Variants in TRPC4 observed in about 807,000 individuals in gnomAD.
The protein encoded by TRPC4 is short transient receptor potential channel 4.
In TRPC4, 49 loss-of-function variants were observed where a neutral mutation model predicts 99.4. That is an observed-to-expected ratio of 0.49 (90% CI 0.39 to 0.63). The LOEUF is 0.63. Ranked by LOEUF, TRPC4 falls within the 20% of genes least tolerant of loss-of-function variation. TRPC4 has a pLI of 0.00. For synonymous variants in TRPC4, 454 were observed against 425.9 expected (o/e 1.07, Z -0.81); for missense variants, 898 against 1,152.9 (o/e 0.78, Z 3.20).
chr13:37,643,311 A>C (rs1951780722), intron 8 of TRPC4, among the ~76,000 whole-genome samples: 1 of 152,214 alleles, frequency 6.6e-6, no homozygotes, highest in Non-Finnish European at 1.5e-5. Flanking sequence ...AATAAAGCAC[A>C]CTTTTGCCCT....
In TRPC4 at chr13:37,632,484, G is replaced by A. The variant is rs148464021; in HGVS notation, c.*4419C>T. On this transcript the variant is annotated 3_prime_UTR_variant, in exon 11 of 11. Coordinates refer to ENST00000379705, the MANE Select transcript of TRPC4 (RefSeq NM_016179.4). ...TCACACTTACAAGTGATTAATAGCCGTATGAGTATAGGAGCTACGTTACTG... is the reference window on the plus strand; with the variant it reads ...TCACACTTACAAGTGATTAATAGCCATATGAGTATAGGAGCTACGTTACTG... Among the ~76,000 whole-genome samples, 9 of 152,254 alleles carry A rather than the reference G, an allele frequency of 5.9e-5. No homozygotes were observed. Among genetic ancestry groups the A allele is most frequent in the Middle Eastern group, 3.4e-3 (1 of 294 alleles).
At chr13:37,853,760 C>T (rs1449046608) in intron 1 of TRPC4, among the ~76,000 whole-genome samples, 1 of 151,774 alleles carries the variant, frequency 6.6e-6, no homozygotes, top group Non-Finnish European at 1.5e-5. Flanking sequence ...AGCAGAAATT[C>T]TAGAGTTGAA....
At chr13:37,685,182 T>G (rs547488708) in intron 4 of TRPC4, among the ~76,000 whole-genome samples, 14 of 152,284 alleles carry the variant, frequency 9.2e-5, no homozygotes, top group African/African-American at 2.6e-4. Context: ...AAATTTCACC[T>G]GTGTAAAAAT....
Position 37,635,255 on chromosome 13 carries a change from T to C in TRPC4, c.*1648A>G, listed in dbSNP as rs895346452. ...CTCTTTTTATGTTCTGAAAGGCAGTTACAATGCAGTGGTGAAGGGAATGGC... is the reference window on the plus strand; with the variant it reads ...CTCTTTTTATGTTCTGAAAGGCAGTCACAATGCAGTGGTGAAGGGAATGGC... On this transcript the variant is annotated 3_prime_UTR_variant, in exon 11 of 11. Coordinates refer to ENST00000379705, the MANE Select transcript of TRPC4 (RefSeq NM_016179.4). 6.6e-6 allele frequency among the ~76,000 whole-genome samples: 1 copy of C among 152,122 alleles called. No individual in the cohort carries two copies. Among genetic ancestry groups the C allele is most frequent in the African/African-American group, 2.4e-5 (1 of 41,444 alleles).
intron 1 of TRPC4, among the ~76,000 whole-genome samples, chr13:37,834,521 T>C (rs1382733386): frequency 6.6e-6 from 1 of 152,174 alleles, no homozygotes; most frequent in Non-Finnish European, 1.5e-5. Context: ...ACTTGTCACA[T>C]TGAAAAAGAT....
At chr13:37,683,094 A>T (rs1953308195) in intron 4 of TRPC4, among the ~76,000 whole-genome samples, 1 of 152,006 alleles carries the variant, frequency 6.6e-6, no homozygotes, top group Non-Finnish European at 1.5e-5. Context: ...CTAAAAGGGA[A>T]TACCAGAAGG....
At chr13:37,821,210 A>ACACC (rs1317471926) in intron 1 of TRPC4, among the ~76,000 whole-genome samples, 1 of 151,060 alleles carries the variant, frequency 6.6e-6, no homozygotes, top group African/African-American at 2.4e-5. Flanking sequence ...ACACACACAC[A>ACACC]CACACACACA....
chr13:37,798,080 G>C (rs1957303830), intron 1 of TRPC4, among the ~76,000 whole-genome samples: 1 of 152,088 alleles, frequency 6.6e-6, no homozygotes, highest in Non-Finnish European at 1.5e-5. Flanking sequence ...GGGGTGTTTA[G>C]CAGATATGAT....
At chr13:37,791,853 A>T (rs1402533980) in intron 1 of TRPC4, among the ~76,000 whole-genome samples, 1 of 152,082 alleles carries the variant, frequency 6.6e-6, no homozygotes, top group African/African-American at 2.4e-5. Flanking sequence ...GGAACCAGAA[A>T]ATTTTGAGGC....
At chr13:37,757,940 T>TA (rs1259400696) in intron 2 of TRPC4, among the ~76,000 whole-genome samples, 3 of 151,930 alleles carry the variant, frequency 2.0e-5, no homozygotes, top group African/African-American at 4.8e-5. Context: ...GGAAATTTTC[T>TA]AAAAAATAGC....
chr13:37,689,305 C>T (rs1953602011), intron 4 of TRPC4, among the ~76,000 whole-genome samples: 1 of 152,096 alleles, frequency 6.6e-6, no homozygotes, highest in East Asian at 1.9e-4. Context: ...AAGTCCAGTG[C>T]CTTTTGCAGA....
At chr13:37,785,316 T>G (rs1956940945) in intron 1 of TRPC4, among the ~76,000 whole-genome samples, 1 of 151,996 alleles carries the variant, frequency 6.6e-6, no homozygotes, top group African/African-American at 2.4e-5. Flanking sequence ...CAGGTCAGAG[T>G]CTATAACAGT....
At chr13:37,692,397 A>T in intron 3 of TRPC4, 62 bp from the exon 4 acceptor site, 1 of 1,366,704 alleles carries the variant, frequency 7.3e-7, no homozygotes, top group Middle Eastern at 2.5e-4. Flanking sequence ...GCCTCAATTC[A>T]TCAATAAGAA....
chr13:37,664,723 C>G (rs762159650), intron 5 of TRPC4, among the ~76,000 whole-genome samples: 8 of 152,100 alleles, frequency 5.3e-5, no homozygotes, highest in Non-Finnish European at 8.8e-5. Context: ...AGATGTTTTT[C>G]CAATGAAAAG....
intron 1 of TRPC4, among the ~76,000 whole-genome samples, chr13:37,808,870 G>A (rs540838371): frequency 3.0e-4 from 45 of 151,346 alleles, no homozygotes; most frequent in Admixed American, 2.0e-3. Context: ...CCATCTCACC[G>A]TATGTACAAT....
chr13:37,809,424 A>T (rs1365485061), intron 1 of TRPC4, among the ~76,000 whole-genome samples: 1 of 149,276 alleles, frequency 6.7e-6, no homozygotes, highest in African/African-American at 2.5e-5. Flanking sequence ...GATGGAAATC[A>T]TTACCAAAAG....
chr13:37,869,562 T>C (rs1960027317), intron 1 of TRPC4, 33 bp downstream of exon 1: 1 of 152,008 alleles, frequency 6.6e-6, no homozygotes, highest in African/African-American at 2.4e-5. Flanking sequence ...GTAGCTCCGG[T>C]CGAACGGAGC....
intron 2 of TRPC4, among the ~76,000 whole-genome samples, chr13:37,757,548 A>C (rs1163334835): frequency 6.6e-6 from 1 of 152,006 alleles, no homozygotes. Flanking sequence ...TGATATTTGA[A>C]ATTTTTAAAA....
intron 1 of TRPC4, among the ~76,000 whole-genome samples, chr13:37,856,608 T>G (rs577482897): frequency 6.6e-6 from 1 of 151,492 alleles, no homozygotes; most frequent in South Asian, 2.1e-4. Flanking sequence ...ATATCTCTGA[T>G]GAATATTGAG....
Sources: allele counts gnomAD v4.1 joint callset (sites outside exome capture counted in the v4.1 genomes callset), GRCh38; gene constraint gnomAD v4.1.1; transcripts MANE v1.5; gene names NCBI Gene and HGNC (gene_info 2026-07-23, HGNC 2026-07-21).